HOGA1: variants seen among roughly 807,000 people sequenced by gnomAD.
The protein encoded by HOGA1 is 4-hydroxy-2-oxoglutarate aldolase 1, also known as 4-hydroxy-2-oxoglutarate aldolase, mitochondrial.
In HOGA1, 30 loss-of-function variants were observed where a neutral mutation model predicts 34.3. The ratio of observed to expected loss-of-function variants is 0.87; its 90% confidence interval spans 0.65 to 1.19. The LOEUF (loss-of-function observed/expected upper bound fraction) is 1.19. Among genes scored for constraint, HOGA1 ranks in the 50% most tolerant of loss-of-function variants. The pLI is 0.00. For missense variants in HOGA1, 417 were observed against 436.5 expected (o/e 0.96, Z 0.40); for synonymous variants, 161 against 174.0 (o/e 0.93, Z 0.59).
intron 1 of HOGA1, chr10:97,590,906 C>A: frequency 3.0e-6 from 1 of 328,598 alleles, no homozygotes; most frequent in Non-Finnish European, 5.9e-6. Flanking sequence ...TTGCCTGGAA[C>A]GGAGCCAATA....
At chr10:97,607,640 G>A (rs1011865869) in intron 6 of HOGA1, among the ~76,000 whole-genome samples, 1 of 152,004 alleles carries the variant, frequency 6.6e-6, no homozygotes, top group South Asian at 2.1e-4. Context: ...GTCTTCTTAT[G>A]TCTTTTATAT....
At chr10:97,596,709 A>T (rs1344997348) in intron 1 of HOGA1, among the ~76,000 whole-genome samples, 1 of 79,194 alleles carries the variant, frequency 1.3e-5, no homozygotes, top group Non-Finnish European at 2.4e-5. Flanking sequence ...AATAACTACC[A>T]AAAAAAAAAA....
In HOGA1 at chr10:97,584,929, C is replaced by A; in HGVS notation, c.211+15C>A. On this transcript the variant is annotated intron_variant, in intron 1 of 6. Transcript: ENST00000370646. ...CCCCTTCCGAGGTAAGTGGGGCTGT[C>A]CTCTGTGGGACCTGGGGAGATGTGA... 1 of 1,610,410 alleles carries A rather than the reference C, an allele frequency of 6.2e-7. No individual in the cohort carries two copies. Among genetic ancestry groups the A allele is most frequent in the Non-Finnish European group, 8.5e-7 (1 of 1,177,022 alleles).
chr10:97,604,355 G>T (rs2041141924), intron 6 of HOGA1, among the ~76,000 whole-genome samples: 1 of 152,052 alleles, frequency 6.6e-6, no homozygotes, highest in African/African-American at 2.4e-5. Flanking sequence ...ACAGGGTCTT[G>T]CCCTGTCACC....
intron 6 of HOGA1, among the ~76,000 whole-genome samples, chr10:97,610,383 G>A (rs953774350): frequency 1.3e-5 from 2 of 152,230 alleles, no homozygotes; most frequent in East Asian, 1.9e-4. Context: ...TGGGAGAATC[G>A]ATTGAGCCCA....
intron 6 of HOGA1, among the ~76,000 whole-genome samples, chr10:97,605,955 C>A (rs1056448377): frequency 3.3e-5 from 5 of 151,894 alleles, no homozygotes; most frequent in Admixed American, 2.0e-4. Context: ...TCAACATTTT[C>A]TTTTACGGAT....
chr10:97,606,238 T>C (rs1021325922), intron 6 of HOGA1, among the ~76,000 whole-genome samples: 1 of 150,896 alleles, frequency 6.6e-6, no homozygotes, highest in African/African-American at 2.4e-5. Flanking sequence ...AGGGCAGAGG[T>C]TGCAGTGAGC....
Position 97,599,167 on chromosome 10 carries a change from A to G in HOGA1, c.419A>G (p.Tyr140Cys). ...GCGGCCATGGTGGTGACCCCTTGCTACTATCGTGGCCGCATGAGCAGTGCG... is the reference window on the plus strand; with the variant it reads ...GCGGCCATGGTGGTGACCCCTTGCTGCTATCGTGGCCGCATGAGCAGTGCG... ...ADAAMVVTPC[Y>C]YRGRMSSAAL... Residue 140 changes from tyrosine (Y) to cysteine (C), a missense_variant, in exon 3 of 7, where the codon TAC (tyrosine) becomes TGC (cysteine). Coordinates refer to ENST00000370646, the MANE Select transcript of HOGA1 (RefSeq NM_138413.4). The G allele has an allele frequency of 6.2e-7, 1 of 1,613,876 alleles. No homozygotes were observed. The highest frequency in any genetic ancestry group is 8.5e-7 in the Non-Finnish European group (1 of 1,180,030).
chr10:97,587,970 C>T (rs1171736424), intron 1 of HOGA1, among the ~76,000 whole-genome samples: 1 of 151,518 alleles, frequency 6.6e-6, no homozygotes, highest in Non-Finnish European at 1.5e-5. Flanking sequence ...ACCACTATAC[C>T]CGGCTAATTT....
rs2041136115 is a variant in HOGA1, at chr10:97,603,516, C to T, written c.834+1526C>T. On this transcript the variant is annotated intron_variant, in intron 6 of 6. Transcript: ENST00000370646. The surrounding 1 kb of genome is among the most constrained non-coding windows in gnomAD (Gnocchi z 4.5). The stretch of plus-strand genomic sequence containing the variant: ...ATGCTGAGATTACAGGCATGAGCCA[C>T]CATGACTGGCCTACTGTATATTTTA... 6.6e-6 allele frequency among the ~76,000 whole-genome samples: 1 copy of T among 151,956 alleles called. No homozygotes were observed.
At chr10:97,608,573 G>A (rs550284445) in intron 6 of HOGA1, among the ~76,000 whole-genome samples, 34 of 152,174 alleles carry the variant, frequency 2.2e-4, no homozygotes, top group Non-Finnish European at 4.4e-4. Flanking sequence ...GGGAGGCCGA[G>A]GCAGGCAGAT....
intron 1 of HOGA1, chr10:97,589,700 G>A (rs2041002093): frequency 1.7e-6 from 1 of 585,060 alleles, no homozygotes; most frequent in East Asian, 2.8e-5. Context: ...TAGGGAGGGT[G>A]CAGCAGGGGG....
At chr10:97,589,290 A>T (rs1021163186) in intron 1 of HOGA1, among the ~76,000 whole-genome samples, 3 of 151,968 alleles carry the variant, frequency 2.0e-5, no homozygotes, top group Non-Finnish European at 2.9e-5. Flanking sequence ...CTGGCAGCAG[A>T]CATGGGCACT....
chr10:97,611,426 G>A (rs1265287272), intron 6 of HOGA1, 84 bp from the exon 7 acceptor site: 2 of 1,507,084 alleles, frequency 1.3e-6, no homozygotes, highest in African/African-American at 1.4e-5. Context: ...GGACTTCAAT[G>A]TTCTGAAAGT....
intron 1 of HOGA1, among the ~76,000 whole-genome samples, chr10:97,591,568 C>T (rs191065739): frequency 5.1e-4 from 77 of 152,188 alleles, no homozygotes; most frequent in African/African-American, 1.8e-3. Context: ...CGTGCATTAG[C>T]TATTTAACCT....
At chr10:97,608,523 G>T (rs2041172596) in intron 6 of HOGA1, among the ~76,000 whole-genome samples, 1 of 151,214 alleles carries the variant, frequency 6.6e-6, no homozygotes, top group African/African-American at 2.4e-5. Context: ...TACTTATTTT[G>T]GCTGGGCACG....
At position 97,598,205 on chromosome 10, in the gene HOGA1, T is replaced by G. The variant is rs192100425; in HGVS notation, c.212-570T>G. Among the ~76,000 whole-genome samples the G allele has an allele frequency of 4.9e-3, 743 of 152,314 alleles. 5 individuals carry two copies. Among genetic ancestry groups the G allele is most frequent in the African/African-American group, 0.016 (674 of 41,552 alleles). On this transcript the variant is annotated intron_variant, in intron 1 of 6. Transcript: ENST00000370646. ...AGGCAGCCATGCTGCCCTGCCTGGT[T>G]TTGAACTCCTGGGCTCAAGCGATCC...
At chr10:97,608,047 C>T (rs2041169587) in intron 6 of HOGA1, among the ~76,000 whole-genome samples, 1 of 152,226 alleles carries the variant, frequency 6.6e-6, no homozygotes, top group Admixed American at 6.5e-5. Context: ...CAGTGGCTCA[C>T]ACCTGTAATC....
In HOGA1 at chr10:97,588,882, G is replaced by GAA. The variant is rs200054273; in HGVS notation, c.211+3976_211+3977dup. 3.4e-3 allele frequency among the ~76,000 whole-genome samples: 514 copies of GAA among 150,258 alleles called. 6 individuals carry two copies. Among genetic ancestry groups the GAA allele is most frequent in the African/African-American group, 0.012 (494 of 41,040 alleles). On this transcript the variant is annotated intron_variant, in intron 1 of 6. Coordinates refer to ENST00000370646, the MANE Select transcript of HOGA1 (RefSeq NM_138413.4). ...TAAATGGGCTAGATGCTTTTGAGGG[G>GAA]AAAAAAAAATACAGTGGCCCAGGCC...
Sources: gnomAD v4.1 joint callset for allele counts (sites outside exome capture counted in the v4.1 genomes callset) on GRCh38, gnomAD v4.1.1 for gene constraint, Gnocchi (gnomAD v3.1) non-coding constraint, MANE v1.5 for transcripts, NCBI Gene and HGNC (gene_info 2026-07-23, HGNC 2026-07-21) for gene names.